Variants in LDLRAD4 observed in about 807,000 individuals in gnomAD.
LDLRAD4 encodes the protein low-density lipoprotein receptor class A domain-containing protein 4.
LDLRAD4 carries 5 observed loss-of-function variants against 17.0 expected under a neutral mutation model. The ratio of observed to expected loss-of-function variants is 0.29; its 90% CI spans 0.15 to 0.62. The LOEUF is 0.62. LDLRAD4 is among the 20% of genes least tolerant of loss of function. LDLRAD4 has a pLI of 0.84. For synonymous variants in LDLRAD4, 168 were observed against 171.8 expected (o/e 0.98, Z 0.17); for missense variants, 340 against 424.7 (o/e 0.80, Z 1.75).
chr18:13,391,404 C>G (rs949873849), intron 2 of LDLRAD4, among the ~76,000 whole-genome samples: 3 of 152,118 alleles, frequency 2.0e-5, no homozygotes, highest in Non-Finnish European at 4.4e-5. Context: ...TGTCCCCATG[C>G]CACGTTGGCA....
chr18:13,308,111 C>T (rs1416202315), intron 1 of LDLRAD4, among the ~76,000 whole-genome samples: 1 of 152,188 alleles, frequency 6.6e-6, no homozygotes, highest in East Asian at 1.9e-4. Flanking sequence ...TAGCCACCTC[C>T]ACCCTTCATC....
At chr18:13,327,015 G>A (rs906196048) in intron 1 of LDLRAD4, among the ~76,000 whole-genome samples, 3 of 152,016 alleles carry the variant, frequency 2.0e-5, no homozygotes, top group African/African-American at 4.8e-5. Context: ...TCATCAATAC[G>A]CTACTTCCTT....
At chr18:13,581,310 T>G (rs992770064) in intron 3 of LDLRAD4, among the ~76,000 whole-genome samples, 1 of 152,240 alleles carries the variant, frequency 6.6e-6, no homozygotes, top group Non-Finnish European at 1.5e-5. Context: ...AGATTAGGTA[T>G]GCTCAACCCC....
intron 3 of LDLRAD4, among the ~76,000 whole-genome samples, chr18:13,604,200 A>G (rs1268963227): frequency 6.6e-6 from 1 of 152,230 alleles, no homozygotes; most frequent in South Asian, 2.1e-4. Flanking sequence ...CTTTATCACA[A>G]CTTTTGAAGA....
chr18:13,355,551 A>G (rs1400664888), intron 1 of LDLRAD4, among the ~76,000 whole-genome samples: 1 of 152,230 alleles, frequency 6.6e-6, no homozygotes, highest in African/African-American at 2.4e-5. Context: ...TGACTTACTA[A>G]GACCTATGCT....
At chr18:13,587,193 G>C (rs2094947341) in intron 3 of LDLRAD4, among the ~76,000 whole-genome samples, 1 of 152,082 alleles carries the variant, frequency 6.6e-6, no homozygotes, top group South Asian at 2.1e-4. Flanking sequence ...CAGTAGATCT[G>C]GGTGGACCTG....
chr18:13,444,669 A>G (rs1211422042), intron 3 of LDLRAD4, among the ~76,000 whole-genome samples: 1 of 152,146 alleles, frequency 6.6e-6, no homozygotes, highest in Non-Finnish European at 1.5e-5. Flanking sequence ...CCAGCATCCT[A>G]TGAGCATGGC....
chr18:13,314,064 T>C (rs928682251), intron 1 of LDLRAD4, among the ~76,000 whole-genome samples: 2 of 152,168 alleles, frequency 1.3e-5, no homozygotes, highest in Admixed American at 1.3e-4. Context: ...GTGCAGCCAG[T>C]GTTTAAATAT....
intron 3 of LDLRAD4, chr18:13,611,597 C>T (rs2039564866): frequency 1.0e-6 from 1 of 985,332 alleles, no homozygotes; most frequent in African/African-American, 1.7e-5. Flanking sequence ...AGACATGTCT[C>T]TGCTTTCATG....
intron 1 of LDLRAD4, among the ~76,000 whole-genome samples, chr18:13,299,388 T>G (rs2046454210): frequency 6.6e-6 from 1 of 152,056 alleles, no homozygotes; most frequent in Non-Finnish European, 1.5e-5. Context: ...GCCTTACACC[T>G]CCCCACCTTA....
At chr18:13,336,815 A>G (rs552184320) in intron 1 of LDLRAD4, among the ~76,000 whole-genome samples, 51 of 151,654 alleles carry the variant, frequency 3.4e-4, no homozygotes, top group South Asian at 1.2e-3. Flanking sequence ...TCTCTCTTTC[A>G]AGGCGATTGC....
chr18:13,638,919 C>T (rs1433359360), intron 4 of LDLRAD4, among the ~76,000 whole-genome samples: 2 of 152,084 alleles, frequency 1.3e-5, no homozygotes, highest in East Asian at 1.9e-4. Context: ...GACTGAGACC[C>T]GCTGCAAGGA....
chr18:13,520,390 T>C (rs1170740943), intron 3 of LDLRAD4: 2 of 152,180 alleles, frequency 1.3e-5, no homozygotes, highest in Non-Finnish European at 2.9e-5. Flanking sequence ...TACATATCTT[T>C]AGTGCTCTGT....
At chr18:13,513,417 C>T (rs892243554) in intron 3 of LDLRAD4, among the ~76,000 whole-genome samples, 7 of 152,208 alleles carry the variant, frequency 4.6e-5, no homozygotes, top group African/African-American at 1.4e-4. Context: ...AACTTTGTGT[C>T]TCCATGGACA....
chr18:13,371,229 C>A (rs2084483894), intron 1 of LDLRAD4, among the ~76,000 whole-genome samples: 1 of 152,118 alleles, frequency 6.6e-6, no homozygotes, highest in African/African-American at 2.4e-5. Flanking sequence ...GGAGGAGCAG[C>A]CACACAGAGG....
intron 2 of LDLRAD4, among the ~76,000 whole-genome samples, chr18:13,415,399 G>A (rs572108680): frequency 3.3e-5 from 5 of 152,210 alleles, no homozygotes; most frequent in Non-Finnish European, 7.3e-5. Flanking sequence ...CACATAGTGC[G>A]CCTGAGCTGA....
At chr18:13,253,448 G>A (rs2043334448) in intron 1 of LDLRAD4, among the ~76,000 whole-genome samples, 1 of 152,178 alleles carries the variant, frequency 6.6e-6, no homozygotes, top group South Asian at 2.1e-4. Context: ...ACCTCCGCTT[G>A]AAGGAACTCC....
intron 1 of LDLRAD4, among the ~76,000 whole-genome samples, chr18:13,257,876 A>G (rs144659152): frequency 2.0e-4 from 31 of 152,286 alleles, no homozygotes; most frequent in African/African-American, 7.5e-4. Context: ...CAGTAGTGGT[A>G]GTTTGGATAG....
At chr18:13,479,044 G>T (rs1439886850) in intron 3 of LDLRAD4, among the ~76,000 whole-genome samples, 1 of 152,134 alleles carries the variant, frequency 6.6e-6, no homozygotes, top group African/African-American at 2.4e-5. Flanking sequence ...TCAACAAATG[G>T]TACTGAAACA....
Sources: allele counts gnomAD v4.1 joint callset (sites outside exome capture counted in the v4.1 genomes callset), GRCh38; gene constraint gnomAD v4.1.1; transcripts MANE v1.5; gene names NCBI Gene and HGNC (gene_info 2026-07-23, HGNC 2026-07-21).